Variants in DES observed in about 807,000 individuals in gnomAD.
DES encodes cardiomyopathy, dilated 1F (autosomal dominant).
A neutral mutation model predicts 55.1 loss-of-function variants in DES; 34 were observed. That is an observed-to-expected ratio of 0.62 (90% CI 0.47 to 0.82). The LOEUF (loss-of-function observed/expected upper bound fraction) is 0.82. Among genes scored for constraint, DES ranks in the 40% least tolerant of loss-of-function variants. The pLI is 0.00. For synonymous variants in DES, 259 were observed against 270.8 expected (o/e 0.96, Z 0.43); for missense variants, 596 against 645.9 (o/e 0.92, Z 0.84).
Position 219,422,463 on chromosome 2 carries a change from C to CTTTTT in DES, c.1244+918_1244+922dup, listed in dbSNP as rs71040455. On this transcript the variant is annotated intron_variant, in intron 6 of 8. Coordinates refer to ENST00000373960, the MANE Select transcript of DES (RefSeq NM_001927.4). ...GTGGGATAACAGAAATGTTCTATAT[C>CTTTTT]TTTTTTTTTTTTTTTTTTTGAGACA... Among the ~76,000 whole-genome samples the CTTTTT allele has an allele frequency of 7.8e-3, 810 of 103,432 alleles. 59 individuals carry two copies. Among genetic ancestry groups the CTTTTT allele is most frequent in the South Asian group, 0.015 (42 of 2,884 alleles). 67.9% of individuals were successfully genotyped at this position (103,432 alleles called of 152,430 possible). A position where few individuals can be genotyped will look rare whatever the true frequency, so the allele number is the denominator to read the frequency against.
Position 219,418,571 on chromosome 2 carries a change from C to T in DES, c.109C>T (p.Arg37Trp), listed in dbSNP as rs537881554. Residue 37 changes from arginine to tryptophan, a missense_variant, in exon 1 of 9, where the codon CGG becomes TGG. Coordinates refer to ENST00000373960, the MANE Select transcript of DES (RefSeq NM_001927.4). ...GSPLSSPVFP[R>W]AGFGSKGSSS... Reference sequence around the variant, plus strand: ...CCCGCTGAGTTCGCCCGTGTTCCCGCGGGCGGGTTTCGGCTCTAAGGGCTC... The same window carrying T: ...CCCGCTGAGTTCGCCCGTGTTCCCGTGGGCGGGTTTCGGCTCTAAGGGCTC... 1.3e-5 allele frequency: 21 copies of T among 1,603,654 alleles called. No individual in the cohort carries two copies. The Admixed American group carries it at 2.5e-4, about 19-fold the overall frequency.
Position 219,420,987 on chromosome 2 carries a change from C to A in DES, c.1023+34C>A. 6.2e-7 allele frequency: 1 copy of A among 1,607,166 alleles called. No homozygotes were observed. The highest frequency in any genetic ancestry group is 2.2e-5 in the East Asian group (1 of 44,552). The stretch of plus-strand genomic sequence containing the variant: ...CTGCCCACCTGGCCAGGCCCTGCCC[C>A]TTCCTGTCTGCAGTTCACACCCTCA... On this transcript the variant is annotated intron_variant, in intron 5 of 8. Coordinates refer to ENST00000373960, the MANE Select transcript of DES (RefSeq NM_001927.4). This position sits in a 1 kb window ranked among gnomAD's most constrained non-coding sequence, Gnocchi z 6.0.
chr2:219,424,943 G>GTCC (rs1954509047), intron 7 of DES: 1 of 152,226 alleles, frequency 6.6e-6, no homozygotes, highest in African/African-American at 2.4e-5. Flanking sequence ...CTGTCGCCCA[G>GTCC]GCTGGAGTGC....
Position 219,420,519 on chromosome 2 carries a change from C to T in DES, c.760C>T (p.Leu254Phe), listed in dbSNP as rs1007681126. Residue 254 changes from leucine to phenylalanine, a missense_variant, in exon 4 of 9, where the codon CTT becomes TTT. Leu to Phe is a conservative substitution (Grantham distance 22). Coordinates refer to ENST00000373960, the MANE Select transcript of DES (RefSeq NM_001927.4). The surrounding 1 kb of genome is among the most constrained non-coding windows in gnomAD (Gnocchi z 6.0). ...EEEIRELQAQLQEQQVQVEMD... is the reference protein window; with the variant it reads ...EEEIRELQAQFQEQQVQVEMD... ...GGAGATCCGTGAGTTGCAGGCTCAG[C>T]TTCAGGAACAGCAGGTCCAGGTGGA... 2 of 1,613,862 alleles carry T rather than the reference C, an allele frequency of 1.2e-6. No homozygotes were observed. The highest frequency in any genetic ancestry group is 2.7e-5 in the African/African-American group (2 of 74,898).
chr2:219,419,959 GT>G lies in DES; in HGVS notation c.579-135del. 1 of 905,038 alleles carries G rather than the reference GT, an allele frequency of 1.1e-6. No homozygotes were observed. The highest frequency in any genetic ancestry group is 1.6e-5 in the African/African-American group (1 of 60,902). 56.1% of individuals were successfully genotyped at this position (905,038 alleles called of 1,614,324 possible). A position where few individuals can be genotyped will look rare whatever the true frequency, so the allele number is the denominator to read the frequency against. On this transcript the variant is annotated intron_variant, in intron 1 of 8. Transcript: ENST00000373960. The surrounding 1 kb of genome is among the most constrained non-coding windows in gnomAD (Gnocchi z 4.3). Reference sequence around the variant, plus strand: ...GGTGGGTGGGGCCTCTCCACTCCCTGTCTCTCCTGCCTCTACCCAGCAGCCA... The same window carrying G: ...GGTGGGTGGGGCCTCTCCACTCCCTGCTCTCCTGCCTCTACCCAGCAGCCA...
Position 219,421,471 on chromosome 2 carries a change from G to A in DES, c.1155G>A (p.Leu385=), listed in dbSNP as rs1352780793. The part of the protein sequence containing the change: ...RHLKDEMARH[L]REYQDLLNVK... Reference sequence around the variant, plus strand: ...TCAAGGATGAGATGGCCCGCCATCTGCGCGAGTACCAGGACCTGCTCAACG... The same window carrying A: ...TCAAGGATGAGATGGCCCGCCATCTACGCGAGTACCAGGACCTGCTCAACG... The change falls in exon 6 of 9, where the codon CTG becomes CTA. Residue 385 remains leucine, a synonymous_variant. Coordinates refer to ENST00000373960, the MANE Select transcript of DES (RefSeq NM_001927.4). 1.2e-6 allele frequency: 2 copies of A among 1,614,156 alleles called. No homozygotes were observed. The highest frequency in any genetic ancestry group is 1.7e-6 in the Non-Finnish European group (2 of 1,180,024).
chr2:219,419,099 T>G lies in DES; in HGVS notation c.578+59T>G. On this transcript the variant is annotated intron_variant, in intron 1 of 8. Coordinates refer to ENST00000373960, the MANE Select transcript of DES (RefSeq NM_001927.4). This position sits in a 1 kb window ranked among gnomAD's most constrained non-coding sequence, Gnocchi z 4.3. ...CGGGCAGGGCACAGGAGGCTAGGCC[T>G]GGGGTCTGGGGTCCCGCTGTCAGCA... 6.5e-7 allele frequency: 1 copy of G among 1,534,294 alleles called. No individual in the cohort carries two copies. Among genetic ancestry groups the G allele is most frequent in the Non-Finnish European group, 8.7e-7 (1 of 1,146,132 alleles).
At position 219,418,400 on chromosome 2, in the gene DES, T is replaced by TCCGG. The variant is rs1349481807; in HGVS notation, c.-55_-52dup. ...CTGTCTCCCCTCGCCGCATCCACTCTCCGGCCGGCCGCCTGCCCGCCGCCT... is the reference window on the plus strand; with the variant it reads ...CTGTCTCCCCTCGCCGCATCCACTCTCCGGCCGGCCGGCCGCCTGCCCGCCGCCT... On this transcript the variant is annotated 5_prime_UTR_variant, in exon 1 of 9. Transcript: ENST00000373960. 9 of 1,496,568 alleles carry TCCGG rather than the reference T, an allele frequency of 6.0e-6. No individual in the cohort carries two copies. The highest frequency in any genetic ancestry group is 8.0e-6 in the Non-Finnish European group (9 of 1,126,176). 92.7% of individuals were successfully genotyped at this position (1,496,568 alleles called of 1,614,324 possible).
At chr2:219,425,861 C>A in intron 8 of DES, 88 bp from the exon 9 acceptor site, 1 of 1,601,346 alleles carries the variant, frequency 6.2e-7, no homozygotes, top group Non-Finnish European at 8.6e-7. Flanking sequence ...CAAGAGAGAT[C>A]CTGCGGCCCT....
At chr2:219,422,268 G>T (rs1354100746) in intron 6 of DES, among the ~76,000 whole-genome samples, 3 of 152,002 alleles carry the variant, frequency 2.0e-5, no homozygotes, top group Non-Finnish European at 4.4e-5. Context: ...ACAGGGATAG[G>T]CTAAGAGAAG....
In DES at chr2:219,419,992, C is replaced by T; in HGVS notation, c.579-103C>T. 8.0e-7 allele frequency: 1 copy of T among 1,244,246 alleles called. No individual in the cohort carries two copies. Among genetic ancestry groups the T allele is most frequent in the East Asian group, 2.3e-5 (1 of 42,718 alleles). 77.1% of individuals were successfully genotyped at this position (1,244,246 alleles called of 1,614,324 possible). On this transcript the variant is annotated intron_variant, in intron 1 of 8. Transcript: ENST00000373960. The surrounding 1 kb of genome is among the most constrained non-coding windows in gnomAD (Gnocchi z 4.3). ...TGCCTCTACCCAGCAGCCAGGCCCT[C>T]CCGCTCTGTCCTGGACCCACCCCCT...
Position 219,419,996 on chromosome 2 carries a change from C to T in DES, c.579-99C>T. Reference sequence around the variant, plus strand: ...TCTACCCAGCAGCCAGGCCCTCCCGCTCTGTCCTGGACCCACCCCCTGGTC... The same window carrying T: ...TCTACCCAGCAGCCAGGCCCTCCCGTTCTGTCCTGGACCCACCCCCTGGTC... On this transcript the variant is annotated intron_variant, in intron 1 of 8. Transcript: ENST00000373960. This position sits in a 1 kb window ranked among gnomAD's most constrained non-coding sequence, Gnocchi z 4.3. 3 of 1,328,624 alleles carry T rather than the reference C, an allele frequency of 2.3e-6. No individual in the cohort carries two copies. The highest frequency in any genetic ancestry group is 2.2e-6 in the Non-Finnish European group (2 of 923,636). The allele number at this position is 1,328,624 out of a possible 1,614,324, so 82.3% of individuals were successfully genotyped here. A position where few individuals can be genotyped will look rare whatever the true frequency, so the allele number is the denominator to read the frequency against.
At chr2:219,421,298 G>A (rs762747040) in intron 5 of DES, 42 bp from the exon 6 acceptor site, 1 of 1,609,160 alleles carries the variant, frequency 6.2e-7, no homozygotes, top group Non-Finnish European at 8.5e-7. Context: ...GGCTGCTAGT[G>A]TCCTCTTCCC....
At position 219,419,976 on chromosome 2, in the gene DES, C is replaced by A; in HGVS notation, c.579-119C>A. ...CACTCCCTGTCTCTCCTGCCTCTACCCAGCAGCCAGGCCCTCCCGCTCTGT... is the reference window on the plus strand; with the variant it reads ...CACTCCCTGTCTCTCCTGCCTCTACACAGCAGCCAGGCCCTCCCGCTCTGT... On this transcript the variant is annotated intron_variant, in intron 1 of 8. Coordinates refer to ENST00000373960, the MANE Select transcript of DES (RefSeq NM_001927.4). This position sits in a 1 kb window ranked among gnomAD's most constrained non-coding sequence, Gnocchi z 4.3. The A allele has an allele frequency of 2.8e-6, 3 of 1,068,110 alleles. No individual in the cohort carries two copies. Among genetic ancestry groups the A allele is most frequent in the Non-Finnish European group, 4.3e-6 (3 of 695,720 alleles). The allele number at this position is 1,068,110 out of a possible 1,614,324, so 66.2% of individuals were successfully genotyped here. A position where few individuals can be genotyped will look rare whatever the true frequency, so the allele number is the denominator to read the frequency against.
Position 219,420,279 on chromosome 2 carries a change from T to C in DES, c.668T>C (p.Ile223Thr), listed in dbSNP as rs1954411153. Reference protein sequence around the residue: ...ADVDAATLARIDLERRIESLN... With the variant: ...ADVDAATLARTDLERRIESLN... The stretch of plus-strand genomic sequence containing the variant: ...GTGGATGCAGCTACTCTAGCTCGCA[T>C]TGACCTGGAGCGCAGAATTGAATCT... Residue 223 changes from isoleucine (I) to threonine (T), a missense_variant, in exon 3 of 9, where the codon ATT becomes ACT. Ile to Thr is a moderately conservative substitution (Grantham distance 89). Transcript: ENST00000373960. The surrounding 1 kb of genome is among the most constrained non-coding windows in gnomAD (Gnocchi z 6.0). The C allele has an allele frequency of 6.2e-7, 1 of 1,614,098 alleles. No individual in the cohort carries two copies.
intron 7 of DES, chr2:219,425,394 A>T: frequency 2.1e-6 from 1 of 477,760 alleles, no homozygotes; most frequent in African/African-American, 2.0e-5. Context: ...GGTGTCCCCT[A>T]CCCTCCTGCA....
rs367961979 is a variant in DES, at chr2:219,420,276, G to A, written c.665G>A (p.Arg222His). The A allele has an allele frequency of 2.1e-4, 344 of 1,614,200 alleles. No individual in the cohort carries two copies. The highest frequency in any genetic ancestry group is 1.4e-3 in the South Asian group (123 of 91,084). ...RADVDAATLA[R>H]IDLERRIESL... ...GACGTGGATGCAGCTACTCTAGCTC[G>A]CATTGACCTGGAGCGCAGAATTGAA... The change falls in exon 3 of 9, where the codon CGC becomes CAC. Residue 222 changes from arginine (R) to histidine (H), a missense_variant. Transcript: ENST00000373960. This position sits in a 1 kb window ranked among gnomAD's most constrained non-coding sequence, Gnocchi z 6.0.
At chr2:219,421,124 G>A (rs1398330633) in intron 5 of DES, among the ~76,000 whole-genome samples, 171 bp downstream of exon 5, 1 of 152,228 alleles carries the variant, frequency 6.6e-6, no homozygotes. Flanking sequence ...GGAATCAGGG[G>A]TTCCTGGGCA....
At position 219,421,505 on chromosome 2, in the gene DES, G is replaced by A. The variant is rs727502951; in HGVS notation, c.1189G>A (p.Ala397Thr). Residue 397 changes from alanine (A) to threonine (T), a missense_variant, in exon 6 of 9, where the codon GCC (alanine) becomes ACC (threonine). By Grantham distance (58) the Ala-to-Thr change is moderately conservative. Coordinates refer to ENST00000373960, the MANE Select transcript of DES (RefSeq NM_001927.4). ...EYQDLLNVKMALDVEIATYRK... is the reference protein window; with the variant it reads ...EYQDLLNVKMTLDVEIATYRK... ...CCAGGACCTGCTCAACGTGAAGATGGCCCTGGATGTGGAGATTGCCACCTA... is the reference window on the plus strand; with the variant it reads ...CCAGGACCTGCTCAACGTGAAGATGACCCTGGATGTGGAGATTGCCACCTA... 1.9e-6 allele frequency: 3 copies of A among 1,614,118 alleles called. No individual in the cohort carries two copies. The highest frequency in any genetic ancestry group is 2.2e-5 in the South Asian group (2 of 91,084).
Sources: gnomAD v4.1 joint callset for allele counts (sites outside exome capture counted in the v4.1 genomes callset) on GRCh38, gnomAD v4.1.1 for gene constraint, Gnocchi (gnomAD v3.1) non-coding constraint, MANE v1.5 for transcripts, NCBI Gene and HGNC (gene_info 2026-07-23, HGNC 2026-07-21) for gene names.